CPAMD8: variants seen among roughly 807,000 people sequenced by gnomAD.
CPAMD8 encodes the protein C3 and PZP-like alpha-2-macroglobulin domain-containing protein 8.
A neutral mutation model predicts 224.7 loss-of-function variants in CPAMD8; 146 were observed. That is an observed-to-expected ratio of 0.65 (90% CI 0.57 to 0.75). CPAMD8 has a LOEUF of 0.75. Ranked by LOEUF, CPAMD8 falls within the 30% of genes least tolerant of loss-of-function variation. The pLI is 0.00. For missense variants in CPAMD8, 2,301 were observed against 2,537.5 expected, an observed-to-expected ratio of 0.91 and a Z score of 2.00; for synonymous variants, 966 against 1,044.6, an observed-to-expected ratio of 0.92 and a Z score of 1.45.
chr19:16,893,259 C>G lies in CPAMD8; in HGVS notation c.5507G>C (p.Trp1836Ser). 1 of 1,570,978 alleles carries G rather than the reference C, an allele frequency of 6.4e-7. No individual in the cohort carries two copies. The highest frequency in any genetic ancestry group is 8.6e-7 in the Non-Finnish European group (1 of 1,157,298). The stretch of plus-strand genomic sequence containing the variant: ...TCTCTGAGGGGCCGGAGTCTGGCCC[C>G]ATCTGTGGAACGGGCTGGCGCTCTG... ...STQSASPFHR[W>S]GQTPAPQRHS... is the part of the protein sequence containing the mutation. The change falls in exon 42 of 42, where the codon TGG becomes TCG. Residue 1836 changes from tryptophan (W) to serine (S), a missense_variant. Coordinates refer to ENST00000443236, the MANE Select transcript of CPAMD8 (RefSeq NM_015692.5).
At chr19:16,975,969 G>C in intron 16 of CPAMD8, 33 bp downstream of exon 16, 1 of 1,520,660 alleles carries the variant, frequency 6.6e-7, no homozygotes, top group Non-Finnish European at 8.8e-7. Flanking sequence ...GCCCCGTGGA[G>C]GTCTAGAACC....
intron 13 of CPAMD8, among the ~76,000 whole-genome samples, chr19:16,983,547 T>C (rs576930739): frequency 6.6e-6 from 1 of 151,878 alleles, no homozygotes; most frequent in South Asian, 2.1e-4. Flanking sequence ...AATAAATTAA[T>C]TAAAAACAAA....
intron 18 of CPAMD8, among the ~76,000 whole-genome samples, chr19:16,962,117 C>T (rs1334561197): frequency 6.6e-6 from 1 of 152,174 alleles, no homozygotes; most frequent in Non-Finnish European, 1.5e-5. Context: ...ATTCTAAAAA[C>T]CTGCGCGCCT....
intron 18 of CPAMD8, among the ~76,000 whole-genome samples, chr19:16,958,129 A>G (rs1416663752): frequency 6.6e-6 from 1 of 152,160 alleles, no homozygotes; most frequent in Non-Finnish European, 1.5e-5. Flanking sequence ...TGTTTTTTTA[A>G]AAACTTTATT....
chr19:16,943,200 G>C (rs1369205704), intron 22 of CPAMD8, among the ~76,000 whole-genome samples: 4 of 150,536 alleles, frequency 2.7e-5, no homozygotes, highest in Non-Finnish European at 5.9e-5. Context: ...ATTTTTAGTA[G>C]GGACAGGGTT....
chr19:16,908,436 AG>A (rs1245952230), intron 29 of CPAMD8, among the ~76,000 whole-genome samples: 1 of 151,824 alleles, frequency 6.6e-6, no homozygotes, highest in Non-Finnish European at 1.5e-5. Flanking sequence ...CCCAGCCTCC[AG>A]GCCTGGTCAC....
chr19:16,968,954 G>C (rs953103752), intron 18 of CPAMD8, among the ~76,000 whole-genome samples: 5 of 152,154 alleles, frequency 3.3e-5, no homozygotes, highest in African/African-American at 1.2e-4. Flanking sequence ...TTATATTTAA[G>C]ATGAGAAAGA....
chr19:16,946,262 A>ATG (rs1351324136), intron 21 of CPAMD8, among the ~76,000 whole-genome samples: 7 of 144,526 alleles, frequency 4.8e-5, no homozygotes, highest in African/African-American at 7.8e-5. Flanking sequence ...ACATGTGGGC[A>ATG]TGTGTGTGTG....
intron 17 of CPAMD8, 29 bp downstream of exon 17, chr19:16,975,068 C>T: frequency 6.2e-7 from 1 of 1,604,598 alleles, no homozygotes; most frequent in Non-Finnish European, 8.5e-7. Flanking sequence ...TAGAAGGGGG[C>T]AGAGGGATCT....
At chr19:16,953,201 T>C (rs1219756940) in intron 19 of CPAMD8, among the ~76,000 whole-genome samples, 1 of 152,052 alleles carries the variant, frequency 6.6e-6, no homozygotes. Context: ...TAACACCATA[T>C]ACAAAAGTTA....
chr19:17,012,345 TCTTTC>T (rs377422381), intron 3 of CPAMD8, among the ~76,000 whole-genome samples: 45 of 135,944 alleles, frequency 3.3e-4, no homozygotes, highest in Non-Finnish European at 4.7e-4. Flanking sequence ...TTTCTTTCTT[TCTTTC>T]TTTTTTTTTT....
Position 16,925,202 on chromosome 19 carries a change from C to T in CPAMD8, c.3541G>A (p.Val1181Ile). ...EVERETTDYL[V>I]QGYQRQLTYK... The stretch of plus-strand genomic sequence containing the variant: ...GGCACTTCTTCCCCAATACCTTGTA[C>T]TAGGTAGTCGGTGGTCTCTCTCTCC... Residue 1181 changes from valine (V) to isoleucine (I), a missense_variant, in exon 26 of 42, where the codon GTA (valine) becomes ATA (isoleucine). By Grantham distance (29) the Val-to-Ile change is conservative. Transcript: ENST00000443236. 1 of 1,614,214 alleles carries T rather than the reference C, an allele frequency of 6.2e-7. No individual in the cohort carries two copies. The highest frequency in any genetic ancestry group is 8.5e-7 in the Non-Finnish European group (1 of 1,180,032).
chr19:16,925,392 A>G lies in CPAMD8; in HGVS notation c.3371-20T>C. ...CGTCCCCTGGTGGGAAGGAGAAGAG[A>G]GTTGAGTTGGGGGCTGTCCCAGTTC... is the stretch of plus-strand genomic sequence containing the variant. On this transcript the variant is annotated intron_variant, in intron 25 of 41. Transcript: ENST00000443236. 1 of 1,603,596 alleles carries G rather than the reference A, an allele frequency of 6.2e-7. No individual in the cohort carries two copies. The highest frequency in any genetic ancestry group is 8.5e-7 in the Non-Finnish European group (1 of 1,171,038).
chr19:16,895,988 G>A (rs1371603634), intron 41 of CPAMD8, 188 bp downstream of exon 41: 2 of 726,906 alleles, frequency 2.8e-6, no homozygotes, highest in East Asian at 2.7e-5. Context: ...CAGGGTGGAG[G>A]GAGGATGAAT....
At chr19:16,901,141 C>G in intron 36 of CPAMD8, 69 bp downstream of exon 36, 1 of 1,067,220 alleles carries the variant, frequency 9.4e-7, no homozygotes, top group South Asian at 1.4e-5. Flanking sequence ...CCAGCCTGAC[C>G]CTGGGTGCCT....
At position 16,899,668 on chromosome 19, in the gene CPAMD8, T is replaced by G; in HGVS notation, c.4774-119A>C. 1 of 668,008 alleles carries G rather than the reference T, an allele frequency of 1.5e-6. No individual in the cohort carries two copies. Among genetic ancestry groups the G allele is most frequent in the Non-Finnish European group, 2.8e-6 (1 of 363,034 alleles). The allele number at this position is 668,008 out of a possible 1,614,324, so 41.4% of individuals were successfully genotyped here. A position where few individuals can be genotyped will look rare whatever the true frequency, so the allele number is the denominator to read the frequency against. On this transcript the variant is annotated intron_variant, in intron 36 of 41. Transcript: ENST00000443236. The surrounding 1 kb of genome is among the most constrained non-coding windows in gnomAD (Gnocchi z 5.4). ...GCCCACAAGTTACCATGGGCTGGGGTCTGGGTGCTGGTCAGTGCTCCCCAG... is the reference window on the plus strand; with the variant it reads ...GCCCACAAGTTACCATGGGCTGGGGGCTGGGTGCTGGTCAGTGCTCCCCAG...
rs762068908 is a variant in CPAMD8, at chr19:16,993,483, G to C, written c.1199C>G (p.Ser400Cys). 1 of 1,613,980 alleles carries C rather than the reference G, an allele frequency of 6.2e-7. No homozygotes were observed. Among genetic ancestry groups the C allele is most frequent in the South Asian group, 1.1e-5 (1 of 91,070 alleles). The change falls in exon 12 of 42, where the codon TCC becomes TGC. Residue 400 changes from serine (S) to cysteine (C), a missense_variant. Transcript: ENST00000443236. ...KDNIYTSEVV[S>C]QRGLVGFEIP... ...TTCAAACCCCACTAGTCCACGCTGGGACACAACTTCACTGGTGTAGATGTT... is the reference window on the plus strand; with the variant it reads ...TTCAAACCCCACTAGTCCACGCTGGCACACAACTTCACTGGTGTAGATGTT...
intron 17 of CPAMD8, among the ~76,000 whole-genome samples, chr19:16,973,392 T>A (rs1364203927): frequency 1.3e-5 from 2 of 152,176 alleles, no homozygotes; most frequent in Non-Finnish European, 2.9e-5. Flanking sequence ...AGTCTCGCTC[T>A]ACCACCCAGG....
At chr19:16,907,165 C>A (rs962181477) in intron 29 of CPAMD8, 48 bp from the exon 30 acceptor site, 13 of 1,465,564 alleles carry the variant, frequency 8.9e-6, no homozygotes, top group Non-Finnish European at 1.2e-5. Context: ...GCTCTGCCCC[C>A]ATCCCACCCA....
Sources: allele counts gnomAD v4.1 joint callset (sites outside exome capture counted in the v4.1 genomes callset), GRCh38; gene constraint gnomAD v4.1.1; non-coding constraint Gnocchi (gnomAD v3.1); transcripts MANE v1.5; gene names NCBI Gene and HGNC (gene_info 2026-07-23, HGNC 2026-07-21).